Variants in KATNAL2 observed in about 807,000 individuals in gnomAD.
The protein encoded by KATNAL2 is katanin catalytic subunit A1 like 2.
Under a neutral mutation model 76.3 loss-of-function variants are expected in KATNAL2, and 52 were observed. That is an observed-to-expected ratio of 0.68 (90% CI 0.55 to 0.86). The LOEUF is 0.86. KATNAL2 is among the 40% of genes least tolerant of loss of function. The probability of loss-of-function intolerance (pLI) is 0.00; values close to 1 mark genes in which losing one functional copy is unlikely to be tolerated. For missense variants in KATNAL2, 660 were observed against 668.9 expected (o/e 0.99, Z 0.15); for synonymous variants, 243 against 244.2 (o/e 1.00, Z 0.05).
chr18:47,046,354 T>A, intron 3 of KATNAL2, 103 bp from the exon 4 acceptor site: 1 of 753,844 alleles, frequency 1.3e-6, no homozygotes, highest in East Asian at 2.7e-5. Context: ...CTTTAAGTCA[T>A]GCTGCTTGGC....
At chr18:47,082,751 G>C (rs1392554638) in intron 15 of KATNAL2, among the ~76,000 whole-genome samples, 1 of 152,138 alleles carries the variant, frequency 6.6e-6, no homozygotes, top group East Asian at 1.9e-4. Context: ...CAGCAGTGTG[G>C]AGACCACACT....
intron 1 of KATNAL2, among the ~76,000 whole-genome samples, chr18:46,922,063 G>C (rs1042800255): frequency 4.0e-5 from 6 of 151,154 alleles, no homozygotes; most frequent in African/African-American, 1.5e-4. Flanking sequence ...CTAGTATCAA[G>C]GAAACTGAAC....
chr18:46,921,916 C>A (rs2058567696), intron 1 of KATNAL2, among the ~76,000 whole-genome samples: 1 of 151,978 alleles, frequency 6.6e-6, no homozygotes, highest in South Asian at 2.1e-4. Flanking sequence ...TTCCTCTCTC[C>A]CTATAACAGT....
At chr18:47,034,068 A>G (rs775315284) in intron 3 of KATNAL2, 4 of 1,614,064 alleles carry the variant, frequency 2.5e-6, no homozygotes, top group Non-Finnish European at 3.4e-6. Context: ...CAGATTTTCC[A>G]GTCTTTTTCT....
chr18:46,950,243 G>T (rs1249690247), intron 3 of KATNAL2, among the ~76,000 whole-genome samples: 1 of 152,096 alleles, frequency 6.6e-6, no homozygotes, highest in African/African-American at 2.4e-5. Context: ...TTTTGTTTTA[G>T]TCCCTAGATG....
intron 15 of KATNAL2, among the ~76,000 whole-genome samples, chr18:47,084,781 G>T (rs969394199): frequency 1.3e-5 from 2 of 148,910 alleles, no homozygotes; most frequent in African/African-American, 4.9e-5. Context: ...CCTGGGAGGT[G>T]GAGGTTGCAG....
intron 3 of KATNAL2, among the ~76,000 whole-genome samples, chr18:46,947,954 C>T (rs2059429410): frequency 6.6e-6 from 1 of 152,128 alleles, no homozygotes; most frequent in South Asian, 2.1e-4. Flanking sequence ...TTTTGGGTTA[C>T]CCTTTAATAG....
intron 1 of KATNAL2, among the ~76,000 whole-genome samples, chr18:46,941,296 G>A (rs1310028458): frequency 6.6e-6 from 1 of 152,094 alleles, no homozygotes. Context: ...CCGAGATCAT[G>A]CCACTGCATG....
chr18:47,070,174 G>A (rs1599750161), intron 13 of KATNAL2, among the ~76,000 whole-genome samples: 1 of 148,656 alleles, frequency 6.7e-6, no homozygotes, highest in African/African-American at 2.5e-5. Context: ...TTGGCTCACT[G>A]CAACCTCTGC....
At chr18:47,065,650 A>G (rs1489903450) in intron 10 of KATNAL2, among the ~76,000 whole-genome samples, 1 of 151,870 alleles carries the variant, frequency 6.6e-6, no homozygotes, top group Non-Finnish European at 1.5e-5. Context: ...TCCATCTCAG[A>G]AAAAACAAAC....
At chr18:47,055,535 C>T (rs551387430) in intron 6 of KATNAL2, among the ~76,000 whole-genome samples, 4 of 152,304 alleles carry the variant, frequency 2.6e-5, no homozygotes, top group South Asian at 2.1e-4. Context: ...CCCACGCACG[C>T]TCCACGATCC....
At chr18:47,043,132 C>T (rs1459269578) in intron 3 of KATNAL2, among the ~76,000 whole-genome samples, 4 of 150,950 alleles carry the variant, frequency 2.6e-5, no homozygotes, top group Non-Finnish European at 5.9e-5. Context: ...GAGGCTGAGG[C>T]AGGTGAATGG....
chr18:47,060,320 G>T (rs1245846178), intron 8 of KATNAL2, among the ~76,000 whole-genome samples: 1 of 152,168 alleles, frequency 6.6e-6, no homozygotes, highest in Admixed American at 6.5e-5. Context: ...GCTCTGTCCT[G>T]TCAGTGGCAT....
intron 3 of KATNAL2, among the ~76,000 whole-genome samples, chr18:46,961,097 A>T (rs1009867228): frequency 6.6e-6 from 1 of 152,264 alleles, no homozygotes; most frequent in African/African-American, 2.4e-5. Context: ...GCTTCCTCAT[A>T]CAATGTCTGG....
chr18:47,036,178 G>T (rs1337715892), intron 3 of KATNAL2, among the ~76,000 whole-genome samples: 1 of 152,198 alleles, frequency 6.6e-6, no homozygotes, highest in Non-Finnish European at 1.5e-5. Flanking sequence ...GAAGTCAGCA[G>T]GTTCCACATC....
intron 3 of KATNAL2, among the ~76,000 whole-genome samples, chr18:46,948,426 CTTT>C (rs11400104): frequency 4.4e-5 from 6 of 136,274 alleles, no homozygotes; most frequent in Admixed American, 1.5e-4. Context: ...TCTTCTTCTT[CTTT>C]TTTTTTTTTT....
At chr18:47,044,151 G>T (rs754243135) in intron 3 of KATNAL2, among the ~76,000 whole-genome samples, 6 of 151,964 alleles carry the variant, frequency 3.9e-5, no homozygotes, top group Non-Finnish European at 8.8e-5. Context: ...AGTGGAAGAA[G>T]AATTCCCTTG....
At chr18:47,076,350 G>A (rs1230004044) in intron 14 of KATNAL2, 1 of 152,230 alleles carries the variant, frequency 6.6e-6, no homozygotes, top group Non-Finnish European at 1.5e-5. Context: ...GCTGGTGCTT[G>A]TCAGCCCTAG....
intron 1 of KATNAL2, among the ~76,000 whole-genome samples, chr18:46,926,465 G>T (rs146660843): frequency 1.3e-5 from 2 of 152,108 alleles, no homozygotes; most frequent in African/African-American, 4.8e-5. Context: ...TGTTATAATT[G>T]CTGTTCTTTT....
Sources: allele counts gnomAD v4.1 joint callset (sites outside exome capture counted in the v4.1 genomes callset), GRCh38; gene constraint gnomAD v4.1.1; transcripts MANE v1.5; gene names NCBI Gene and HGNC (gene_info 2026-07-23, HGNC 2026-07-21).